Variants in DNM3 observed in about 807,000 individuals in gnomAD.
DNM3 encodes the protein dynamin-3.
DNM3 carries 47 observed loss-of-function variants against 101.6 expected under a neutral mutation model. That is an observed-to-expected ratio of 0.46 (90% CI 0.37 to 0.59). DNM3 has a LOEUF of 0.59. DNM3 is among the 20% of genes least tolerant of loss of function. The pLI, the probability that DNM3 is intolerant of heterozygous loss-of-function variation, is 0.00. For synonymous variants in DNM3, 385 were observed against 387.9 expected (o/e 0.99, Z 0.09); for missense variants, 849 against 1,085.7 (o/e 0.78, Z 3.06).
intron 13 of DNM3, among the ~76,000 whole-genome samples, chr1:172,108,359 A>G (rs539734951): frequency 1.1e-4 from 17 of 151,608 alleles, no homozygotes; most frequent in African/African-American, 3.9e-4. Context: ...AACCATTTTT[A>G]CTTTCCCTTG....
At chr1:172,247,470 TA>T (rs1227586502) in intron 14 of DNM3, among the ~76,000 whole-genome samples, 1 of 152,084 alleles carries the variant, frequency 6.6e-6, no homozygotes, top group Non-Finnish European at 1.5e-5. Context: ...GTAATTTGAT[TA>T]TTTGATAGCT....
chr1:172,105,170 G>T (rs1295565154), intron 13 of DNM3, among the ~76,000 whole-genome samples: 2 of 152,132 alleles, frequency 1.3e-5, no homozygotes, highest in Admixed American at 6.5e-5. Flanking sequence ...TTCTGTGATT[G>T]TATAATAATG....
intron 2 of DNM3, among the ~76,000 whole-genome samples, chr1:171,966,037 T>C (rs1005251798): frequency 2.0e-5 from 3 of 152,188 alleles, no homozygotes; most frequent in African/African-American, 4.8e-5. Flanking sequence ...TCAGGAACCA[T>C]GGGCAGATAC....
intron 12 of DNM3, among the ~76,000 whole-genome samples, chr1:172,088,698 CT>C (rs931233074): frequency 6.6e-6 from 1 of 152,082 alleles, no homozygotes; most frequent in Admixed American, 6.6e-5. Flanking sequence ...ATTTGTTTTC[CT>C]TTATTAAAGT....
intron 4 of DNM3, among the ~76,000 whole-genome samples, chr1:172,015,215 C>A (rs964215175): frequency 2.0e-5 from 3 of 152,114 alleles, no homozygotes; most frequent in Non-Finnish European, 2.9e-5. Flanking sequence ...AGTCCTCCAG[C>A]TTTGTTCTTC....
intron 15 of DNM3, among the ~76,000 whole-genome samples, chr1:172,275,172 G>C (rs1198047579): frequency 1.3e-5 from 2 of 152,074 alleles, no homozygotes; most frequent in African/African-American, 4.8e-5. Flanking sequence ...ACCATTCAAA[G>C]TGTATATCAC....
chr1:171,891,432 G>A (rs957553394), intron 1 of DNM3, among the ~76,000 whole-genome samples: 1 of 151,022 alleles, frequency 6.6e-6, no homozygotes, highest in Non-Finnish European at 1.5e-5. Flanking sequence ...CATTAGTATG[G>A]TATGTTTGTT....
In DNM3 at chr1:172,388,727, C is replaced by T. The variant is rs561998894; in HGVS notation, c.2440C>T (p.Pro814Ser). 1.2e-6 allele frequency: 2 copies of T among 1,613,460 alleles called. No individual in the cohort carries two copies. The highest frequency in any genetic ancestry group is 2.2e-5 in the South Asian group (2 of 90,940). Residue 814 changes from proline (P) to serine (S), a missense_variant, in exon 20 of 21, where the codon CCT becomes TCT. Coordinates refer to ENST00000627582, the MANE Select transcript of DNM3 (RefSeq NM_015569.5). ...CCCATTCCGTCCAGGCCCATTACCT[C>T]CTTTCCCCAGCAGCAGTGACTCCTT... ...PVPFRPGPLP[P>S]FPSSSDSFGA...
At chr1:172,387,657 CAA>C (rs1244610171) in intron 19 of DNM3, among the ~76,000 whole-genome samples, 1 of 137,104 alleles carries the variant, frequency 7.3e-6, no homozygotes, top group Non-Finnish European at 1.6e-5. Context: ...GACTCCGTCT[CAA>C]AAAAAAAAAA....
chr1:171,955,553 T>A (rs971033004), intron 2 of DNM3, among the ~76,000 whole-genome samples: 6 of 152,180 alleles, frequency 3.9e-5, no homozygotes, highest in African/African-American at 1.4e-4. Flanking sequence ...ATTATCTATA[T>A]CTTTATACAT....
chr1:172,075,181 G>C (rs540295446), intron 11 of DNM3, among the ~76,000 whole-genome samples: 1 of 150,024 alleles, frequency 6.7e-6, no homozygotes, highest in African/African-American at 2.5e-5. Context: ...TGGTAAATTT[G>C]TATACGTTCT....
chr1:172,320,099 G>A (rs1315645125), intron 16 of DNM3, among the ~76,000 whole-genome samples: 3 of 151,276 alleles, frequency 2.0e-5, no homozygotes, highest in African/African-American at 4.9e-5. Flanking sequence ...GGATGAAATT[G>A]GAAATCACCA....
At chr1:172,146,213 G>A (rs1029499708) in intron 14 of DNM3, among the ~76,000 whole-genome samples, 9 of 152,026 alleles carry the variant, frequency 5.9e-5, no homozygotes, top group African/African-American at 1.4e-4. Context: ...TTTTTTATAC[G>A]CTGCATTGTA....
chr1:171,842,128 C>T (rs923105777), intron 1 of DNM3, among the ~76,000 whole-genome samples: 1 of 152,080 alleles, frequency 6.6e-6, no homozygotes, highest in Non-Finnish European at 1.5e-5. Flanking sequence ...GCCCCGGGCT[C>T]GACCCCCACC....
At chr1:172,046,235 A>C (rs1409623749) in intron 9 of DNM3, among the ~76,000 whole-genome samples, 1 of 152,172 alleles carries the variant, frequency 6.6e-6, no homozygotes, top group Non-Finnish European at 1.5e-5. Flanking sequence ...ATAAAAAATG[A>C]TGAGTTCATG....
intron 15 of DNM3, among the ~76,000 whole-genome samples, chr1:172,299,549 C>G (rs568560129): frequency 6.6e-6 from 1 of 152,070 alleles, no homozygotes; most frequent in South Asian, 2.1e-4. Context: ...CCTTCCCCAT[C>G]TAGTAATCCC....
chr1:171,958,508 A>G (rs2043004834), intron 2 of DNM3, among the ~76,000 whole-genome samples: 1 of 152,234 alleles, frequency 6.6e-6, no homozygotes, highest in Admixed American at 6.5e-5. Context: ...GCTGGAGTAT[A>G]TAGTGTGTCT....
In DNM3 at chr1:172,408,609, A is replaced by C; in HGVS notation, c.*768A>C. The C allele has an allele frequency of 1.0e-6, 1 of 984,936 alleles. No individual in the cohort carries two copies. Among genetic ancestry groups the C allele is most frequent in the South Asian group, 4.7e-5 (1 of 21,278 alleles). The allele number at this position is 984,936 out of a possible 1,614,324, so 61.0% of individuals were successfully genotyped here. A position where few individuals can be genotyped will look rare whatever the true frequency, so the allele number is the denominator to read the frequency against. On this transcript the variant is annotated 3_prime_UTR_variant, in exon 21 of 21. Coordinates refer to ENST00000627582, the MANE Select transcript of DNM3 (RefSeq NM_015569.5). The stretch of plus-strand genomic sequence containing the variant: ...TCACATCTCTAGAAGTGTTGGGAAA[A>C]ATATAATTTCTTTCTTTACTTATAT...
chr1:172,380,069 A>C (rs1438649531), intron 18 of DNM3, among the ~76,000 whole-genome samples: 1 of 151,986 alleles, frequency 6.6e-6, no homozygotes, highest in Non-Finnish European at 1.5e-5. Flanking sequence ...TAGATGGCAA[A>C]GTACTAAAAA....
Sources: allele counts gnomAD v4.1 joint callset (sites outside exome capture counted in the v4.1 genomes callset), GRCh38; gene constraint gnomAD v4.1.1; transcripts MANE v1.5; gene names NCBI Gene and HGNC (gene_info 2026-07-23, HGNC 2026-07-21).